PCDHA4: variants seen among roughly 807,000 people sequenced by gnomAD.
The protein encoded by PCDHA4 is protocadherin alpha 4, also known as protocadherin alpha-4.
PCDHA4 carries 49 observed loss-of-function variants against 61.4 expected under a neutral mutation model. The ratio of observed to expected loss-of-function variants is 0.80; its 90% CI spans 0.63 to 1.01. PCDHA4 has a LOEUF of 1.01. PCDHA4 is among the 50% of genes least tolerant of loss of function. The pLI is 0.00. For synonymous variants in PCDHA4, 590 were observed against 550.3 expected, an observed-to-expected ratio of 1.07 and a Z score of -1.01; for missense variants, 1,254 against 1,235.8, an observed-to-expected ratio of 1.01 and a Z score of -0.22.
intron 1 of PCDHA4, among the ~76,000 whole-genome samples, chr5:140,947,805 G>T (rs1474604810): frequency 6.6e-6 from 1 of 151,504 alleles, no homozygotes; most frequent in Non-Finnish European, 1.5e-5. Flanking sequence ...TTAATTTGCA[G>T]AGACTATTTC....
intron 3 of PCDHA4, among the ~76,000 whole-genome samples, chr5:141,003,650 A>G (rs2098132767): frequency 6.6e-6 from 1 of 152,170 alleles, no homozygotes; most frequent in Admixed American, 6.5e-5. Flanking sequence ...GAAGATCTGT[A>G]TGCATTTATT....
rs952470653 is a variant in PCDHA4 at position 140,807,569 on chromosome 5, G to C, written c.382G>C (p.Asp128His). 10 of 1,614,178 alleles carry C rather than the reference G, an allele frequency of 6.2e-6. No homozygotes were observed. The highest frequency in any genetic ancestry group is 5.0e-5 in the Admixed American group (3 of 60,022). ...HVDVEVRDIN[D>H]NPPVFPATQK... ...GGACGTGGAGGTGAGGGACATTAAC[G>C]ATAACCCGCCGGTGTTCCCAGCAAC... Residue 128 changes from aspartate (D) to histidine (H), a missense_variant, in exon 1 of 4, where the codon GAT becomes CAT. Physicochemically the swap from Asp to His is moderately conservative, Grantham distance 81. Coordinates refer to ENST00000530339, the MANE Select transcript of PCDHA4 (RefSeq NM_018907.4).
intron 1 of PCDHA4, chr5:140,856,524 CG>C (rs2044059008): frequency 6.3e-7 from 1 of 1,598,296 alleles, no homozygotes; most frequent in African/African-American, 1.3e-5. Flanking sequence ...GCATCTGATG[CG>C]GATGTTGGAG....
chr5:140,913,106 T>C (rs1308946519), intron 1 of PCDHA4, among the ~76,000 whole-genome samples: 1 of 152,194 alleles, frequency 6.6e-6, no homozygotes, highest in Admixed American at 6.6e-5. Flanking sequence ...CCTCATAGAA[T>C]CAGTTTGGAA....
At chr5:140,831,986 C>T (rs2150198716) in intron 1 of PCDHA4, among the ~76,000 whole-genome samples, 20 of 152,252 alleles carry the variant, frequency 1.3e-4, no homozygotes, top group African/African-American at 3.9e-4. Context: ...ACTCTCATTA[C>T]GGATTCCATA....
intron 1 of PCDHA4, among the ~76,000 whole-genome samples, chr5:140,937,385 T>G (rs1022137225): frequency 2.6e-5 from 4 of 152,170 alleles, no homozygotes; most frequent in Admixed American, 2.6e-4. Flanking sequence ...TGTGTGTATG[T>G]GTATATAGGG....
At chr5:141,006,637 T>C (rs782585273) in intron 3 of PCDHA4, among the ~76,000 whole-genome samples, 8 of 152,118 alleles carry the variant, frequency 5.3e-5, no homozygotes, top group Non-Finnish European at 1.2e-4. Flanking sequence ...GCAATTCATA[T>C]AAGAGATGAT....
At chr5:140,834,311 T>C in intron 1 of PCDHA4, 2 of 1,357,576 alleles carry the variant, frequency 1.5e-6, no homozygotes, top group Non-Finnish European at 2.0e-6. Context: ...GAGATTGAAA[T>C]GAAGGGATAA....
intron 1 of PCDHA4, chr5:140,828,354 C>A (rs1554131244): frequency 2.5e-6 from 4 of 1,614,264 alleles, no homozygotes; most frequent in East Asian, 4.5e-5. Flanking sequence ...TTTGTGAATT[C>A]TCGGATCGAC....
At chr5:140,939,537 C>T (rs2092406859) in intron 1 of PCDHA4, among the ~76,000 whole-genome samples, 1 of 150,686 alleles carries the variant, frequency 6.6e-6, no homozygotes, top group Non-Finnish European at 1.5e-5. Context: ...TATACAGAGC[C>T]TCTATTTCTT....
At chr5:140,825,556 C>T (rs1158185749) in intron 1 of PCDHA4, 2 of 151,628 alleles carry the variant, frequency 1.3e-5, no homozygotes, top group African/African-American at 2.4e-5. Flanking sequence ...TCCCAAGTAG[C>T]TGGGATTACA....
chr5:140,809,259 C>T lies in PCDHA4; in HGVS notation c.2072C>T (p.Ala691Val). The change falls in exon 1 of 4, where the codon GCT becomes GTT. Residue 691 changes from alanine (A) to valine (V), a missense_variant. Coordinates refer to ENST00000530339, the MANE Select transcript of PCDHA4 (RefSeq NM_018907.4). ...RALVGAVGPD[A>V]ALVDVNVYLI... Reference sequence around the variant, plus strand: ...TTGGTGGGCGCTGTGGGTCCCGATGCTGCGCTGGTGGATGTCAACGTATAC... The same window carrying T: ...TTGGTGGGCGCTGTGGGTCCCGATGTTGCGCTGGTGGATGTCAACGTATAC... The T allele has an allele frequency of 6.2e-7, 1 of 1,614,090 alleles. No homozygotes were observed. The highest frequency in any genetic ancestry group is 8.5e-7 in the Non-Finnish European group (1 of 1,179,964).
At chr5:140,856,510 A>G (rs1193359159) in intron 1 of PCDHA4, 2 of 1,598,532 alleles carry the variant, frequency 1.3e-6, no homozygotes, top group Non-Finnish European at 1.7e-6. Context: ...TTCCACTAGA[A>G]GGCGCATCTG....
chr5:140,884,439 C>G (rs1554181562), intron 1 of PCDHA4: 2 of 1,613,818 alleles, frequency 1.2e-6, no homozygotes, highest in East Asian at 2.2e-5. Context: ...CTGCGGTGCT[C>G]GGCACCGCCC....
At chr5:140,834,559 T>A in intron 1 of PCDHA4, 2 of 1,614,090 alleles carry the variant, frequency 1.2e-6, no homozygotes, top group Middle Eastern at 1.7e-4. Context: ...CTGGCGGAGC[T>A]GGTGCCGCGC....
chr5:140,939,054 G>C (rs1304220594), intron 1 of PCDHA4, among the ~76,000 whole-genome samples: 1 of 152,112 alleles, frequency 6.6e-6, no homozygotes, highest in East Asian at 1.9e-4. Flanking sequence ...GTCCATTTGG[G>C]CTGCTATATC....
At chr5:140,876,539 C>T (rs1030865953) in intron 1 of PCDHA4, 5 of 1,614,170 alleles carry the variant, frequency 3.1e-6, no homozygotes, top group Admixed American at 1.7e-5. Flanking sequence ...ACTTCACTGT[C>T]GCTCCCTGTG....
chr5:140,832,245 C>T lies in PCDHA4; in HGVS notation c.2385+22673C>T, dbSNP rs2150200426. ...AGTTGGTTTTGACTTTTTGTGTTGT[C>T]CATGTTCCCAGGAAATATTAGACTA... On this transcript the variant is annotated intron_variant, in intron 1 of 3. Coordinates refer to ENST00000530339, the MANE Select transcript of PCDHA4 (RefSeq NM_018907.4). Among the ~76,000 whole-genome samples, 254 of 152,260 alleles carry T rather than the reference C, an allele frequency of 1.7e-3. 1 individual carries two copies. Among genetic ancestry groups the T allele is most frequent in the African/African-American group, 5.9e-3 (244 of 41,568 alleles).
chr5:140,850,269 G>C lies in PCDHA4; in HGVS notation c.2385+40697G>C, dbSNP rs201513560. ...GTCGGTGGGCGCCGGCGTAGTGGTGGGGAAGGTGCGCGCAGTGGACGCCGA... is the reference window on the plus strand; with the variant it reads ...GTCGGTGGGCGCCGGCGTAGTGGTGCGGAAGGTGCGCGCAGTGGACGCCGA... On this transcript the variant is annotated intron_variant, in intron 1 of 3. Transcript: ENST00000530339. 7 of 1,594,786 alleles carry C rather than the reference G, an allele frequency of 4.4e-6. 1 individual carries two copies. The highest frequency in any genetic ancestry group is 1.3e-5 in the African/African-American group (1 of 74,148).
Sources: allele counts gnomAD v4.1 joint callset (sites outside exome capture counted in the v4.1 genomes callset), GRCh38; gene constraint gnomAD v4.1.1; transcripts MANE v1.5; gene names NCBI Gene and HGNC (gene_info 2026-07-23, HGNC 2026-07-21).